Variants in EDARADD observed in about 807,000 individuals in gnomAD.
The protein encoded by EDARADD is ectodysplasin-A receptor-associated adapter protein.
Under a neutral mutation model 25.6 loss-of-function variants are expected in EDARADD, and 20 were observed. That is an observed-to-expected ratio of 0.78 (90% confidence interval 0.55 to 1.14). The LOEUF (loss-of-function observed/expected upper bound fraction) is 1.14, where lower values mean the gene tolerates loss of function less well. Ranked by LOEUF, EDARADD falls within the 50% of genes most tolerant of loss-of-function variation. The pLI is 0.00. For missense variants in EDARADD, 225 were observed against 270.1 expected, an observed-to-expected ratio of 0.83 and a Z score of 1.17; for synonymous variants, 86 against 94.4, an observed-to-expected ratio of 0.91 and a Z score of 0.52.
At chr1:236,349,693 C>T (rs532628821) in intron 2 of EDARADD, among the ~76,000 whole-genome samples, 4 of 146,372 alleles carry the variant, frequency 2.7e-5, no homozygotes, top group East Asian at 2.3e-4. Flanking sequence ...GGAAGTTCTC[C>T]GATAGCAGAC....
At chr1:236,408,930 A>C (rs1226141668) in intron 1 of EDARADD, among the ~76,000 whole-genome samples, 1 of 151,174 alleles carries the variant, frequency 6.6e-6, no homozygotes, top group Non-Finnish European at 1.5e-5. Flanking sequence ...ATTTTATTTT[A>C]TTTTTTAGTA....
At chr1:236,412,048 T>C (rs1657501540) in intron 2 of EDARADD, among the ~76,000 whole-genome samples, 1 of 152,174 alleles carries the variant, frequency 6.6e-6, no homozygotes, top group African/African-American at 2.4e-5. Context: ...GGATTTAGTA[T>C]ATACCCCTTG....
At chr1:236,470,700 G>A (rs1254194157) in intron 5 of EDARADD, among the ~76,000 whole-genome samples, 1 of 152,074 alleles carries the variant, frequency 6.6e-6, no homozygotes, top group Admixed American at 6.6e-5. Context: ...CTGCCTCCTG[G>A]GTTCAAGCAG....
intron 5 of EDARADD, among the ~76,000 whole-genome samples, chr1:236,475,155 C>A (rs1659467873): frequency 6.6e-6 from 1 of 150,440 alleles, no homozygotes; most frequent in Non-Finnish European, 1.5e-5. Flanking sequence ...CAAAACAAGA[C>A]AAAAAAAAAC....
chr1:236,447,962 A>C (rs1658611874), intron 4 of EDARADD, among the ~76,000 whole-genome samples: 1 of 151,804 alleles, frequency 6.6e-6, no homozygotes, highest in Non-Finnish European at 1.5e-5. Context: ...CAGCCTCCTG[A>C]GTAGCTGGGA....
intron 4 of EDARADD, among the ~76,000 whole-genome samples, chr1:236,445,324 T>G (rs1047424970): frequency 8.3e-5 from 12 of 145,390 alleles, no homozygotes; most frequent in African/African-American, 3.0e-4. Context: ...GCCTCCCAGG[T>G]TCAAGTGATT....
chr1:236,389,775 G>A (rs1173993615), upstream of EDARADD, among the ~76,000 whole-genome samples: 1 of 152,146 alleles, frequency 6.6e-6, no homozygotes. Context: ...GCCAAGGCAG[G>A]TGGATTCCCT....
In EDARADD at chr1:236,484,600, G is replaced by C. The variant is rs571789874; in HGVS notation, c.*1951G>C. 8.9e-6 allele frequency: 6 copies of C among 676,858 alleles called. No homozygotes were observed. Among genetic ancestry groups the C allele is most frequent in the Admixed American group, 7.3e-5 (3 of 41,018 alleles). 41.9% of individuals were successfully genotyped at this position (676,858 alleles called of 1,614,324 possible). On this transcript the variant is annotated 3_prime_UTR_variant, in exon 6 of 6. Coordinates refer to ENST00000334232, the MANE Select transcript of EDARADD (RefSeq NM_145861.4). This position sits in a 1 kb window ranked among gnomAD's most constrained non-coding sequence, Gnocchi z 4.1. Reference sequence around the variant, plus strand: ...TGCTAGTTAGCTACCCTTGCCCACCGCCGTGGAGTTCGCACCTCTTCCTTA... The same window carrying C: ...TGCTAGTTAGCTACCCTTGCCCACCCCCGTGGAGTTCGCACCTCTTCCTTA...
chr1:236,356,079 A>G (rs1316625916), intron 3 of EDARADD, among the ~76,000 whole-genome samples: 1 of 152,158 alleles, frequency 6.6e-6, no homozygotes, highest in African/African-American at 2.4e-5. Flanking sequence ...TGGATTTCAG[A>G]TCTTCCAAAA....
At chr1:236,358,113 C>T (rs1193730207) in intron 3 of EDARADD, among the ~76,000 whole-genome samples, 1 of 152,126 alleles carries the variant, frequency 6.6e-6, no homozygotes, top group Non-Finnish European at 1.5e-5. Context: ...TCAGGTGTTC[C>T]ACCCAACTTC....
intron 4 of EDARADD, among the ~76,000 whole-genome samples, chr1:236,466,544 G>A (rs1659195715): frequency 6.6e-6 from 1 of 152,126 alleles, no homozygotes; most frequent in South Asian, 2.1e-4. Flanking sequence ...ATGAATTATG[G>A]TAAGCAGGTT....
In EDARADD at chr1:236,395,495, G is replaced by GTA; in HGVS notation, c.61+990_61+991insTA. Reference sequence around the variant, plus strand: ...GGGAGGGGAAGGCGGAGGAGGGCAGGGGCGCGCAGAGCCACGGTTTGCTCC... The same window carrying GTA: ...GGGAGGGGAAGGCGGAGGAGGGCAGGTAGGCGCGCAGAGCCACGGTTTGCTCC... On this transcript the variant is annotated intron_variant, in intron 1 of 5. Transcript: ENST00000334232. The surrounding 1 kb of genome is among the most constrained non-coding windows in gnomAD (Gnocchi z 6.9). The GTA allele has an allele frequency of 6.6e-7, 1 of 1,522,878 alleles. No homozygotes were observed. 94.3% of individuals were successfully genotyped at this position (1,522,878 alleles called of 1,614,324 possible). A position where few individuals can be genotyped will look rare whatever the true frequency, so the allele number is the denominator to read the frequency against.
intron 4 of EDARADD, among the ~76,000 whole-genome samples, chr1:236,459,929 C>T (rs1658994397): frequency 6.6e-6 from 1 of 152,126 alleles, no homozygotes; most frequent in Admixed American, 6.6e-5. Flanking sequence ...TAATGAAATG[C>T]TCCTCATTCC....
chr1:236,397,470 C>A (rs1042599019), intron 1 of EDARADD, among the ~76,000 whole-genome samples: 1 of 152,078 alleles, frequency 6.6e-6, no homozygotes, highest in Non-Finnish European at 1.5e-5. Flanking sequence ...TTAGTCTGCC[C>A]AGCCCAGCCA....
Position 236,374,471 on chromosome 1 carries a change from G to A in EDARADD, c.-6+23632G>A, listed in dbSNP as rs1432464932. 5.9e-5 allele frequency among the ~76,000 whole-genome samples: 9 copies of A among 151,956 alleles called. No individual in the cohort carries two copies. In the South Asian group the frequency reaches 6.2e-4, roughly 11 times the overall value. On this transcript the variant is annotated intron_variant, in intron 3 of 7. Transcript: ENST00000439430. ...TTTAGTAGAGACAAAGTCTTGCCACGTTGCCCAGGCTGGTCTCAAACTCCT... is the reference window on the plus strand; with the variant it reads ...TTTAGTAGAGACAAAGTCTTGCCACATTGCCCAGGCTGGTCTCAAACTCCT...
At chr1:236,453,278 C>CTTTTTTT (rs71672500) in intron 4 of EDARADD, among the ~76,000 whole-genome samples, 5 of 133,878 alleles carry the variant, frequency 3.7e-5, no homozygotes, top group Non-Finnish European at 6.4e-5. Context: ...TTCTTTTTTT[C>CTTTTTTT]TTTTTTTTTT....
intron 2 of EDARADD, among the ~76,000 whole-genome samples, chr1:236,411,050 C>T (rs1657459919): frequency 6.6e-6 from 1 of 152,200 alleles, no homozygotes; most frequent in African/African-American, 2.4e-5. Context: ...CCACTGCCCC[C>T]ACCTGTGACT....
Position 236,447,170 on chromosome 1 carries a change from CTCTTTCTTTCTTTCTTTCTT to C in EDARADD, c.219+19755_219+19774del, listed in dbSNP as rs1240943288. On this transcript the variant is annotated intron_variant, in intron 4 of 5. Transcript: ENST00000334232. ...CCTTCCTTCCTCCCTCCCTCCCTCC[CTCTTTCTTTCTTTCTTTCTT>C]TCTTTCTTTCTTTCTTTCTTTCTTT... 8.8e-3 allele frequency among the ~76,000 whole-genome samples: 827 copies of C among 93,510 alleles called. 40 individuals are homozygous for C. The highest frequency in any genetic ancestry group is 0.079 in the Admixed American group (732 of 9,244). The allele number at this position is 93,510 out of a possible 152,430, so 61.3% of individuals were successfully genotyped here. A position where few individuals can be genotyped will look rare whatever the true frequency, so the allele number is the denominator to read the frequency against.
upstream of EDARADD, chr1:236,394,221 CA>C: frequency 1.8e-6 from 1 of 543,416 alleles, no homozygotes; most frequent in Non-Finnish European, 3.3e-6. Flanking sequence ...AACCACAAAC[CA>C]AACCTCCAAA....
Sources: gnomAD v4.1 joint callset for allele counts (sites outside exome capture counted in the v4.1 genomes callset) on GRCh38, gnomAD v4.1.1 for gene constraint, Gnocchi (gnomAD v3.1) non-coding constraint, MANE v1.5 for transcripts, NCBI Gene and HGNC (gene_info 2026-07-23, HGNC 2026-07-21) for gene names.